The following ZNF730 variants were observed in gnomAD, a reference collection of about 807,000 sequenced individuals.
The protein encoded by ZNF730 is putative zinc finger protein 730.
A neutral mutation model predicts 12.6 loss-of-function variants in ZNF730; 12 were observed. That is an observed-to-expected ratio of 0.95 (90% CI 0.61 to 1.54). The LOEUF (loss-of-function observed/expected upper bound fraction) is 1.54, where lower values mean the gene tolerates loss of function less well. ZNF730 is among the 40% of genes most tolerant of loss of function. ZNF730 has a pLI of 0.00. For synonymous variants in ZNF730, 194 were observed against 195.8 expected (o/e 0.99, Z 0.08); for missense variants, 643 against 583.5 (o/e 1.10, Z -1.05).
intron 1 of ZNF730, among the ~76,000 whole-genome samples, chr19:23,120,233 G>A (rs1224650895): frequency 6.6e-6 from 1 of 152,022 alleles, no homozygotes; most frequent in Non-Finnish European, 1.5e-5. Flanking sequence ...AACCTCAGGT[G>A]ATCCTCCCAC....
At chr19:23,128,452 A>C in intron 1 of ZNF730, 1 of 354,326 alleles carries the variant, frequency 2.8e-6, no homozygotes. Flanking sequence ...AAAGAAGTGG[A>C]ACCATCCCAA....
upstream of ZNF730, among the ~76,000 whole-genome samples, chr19:23,116,043 A>G (rs1049382668): frequency 2.6e-5 from 4 of 152,250 alleles, no homozygotes; most frequent in Non-Finnish European, 5.9e-5. Context: ...ATATGTATGC[A>G]TGTGATTGGT....
At chr19:23,082,648 A>G (rs1969983627) in intron 1 of ZNF730, among the ~76,000 whole-genome samples, 1 of 152,106 alleles carries the variant, frequency 6.6e-6, no homozygotes, top group South Asian at 2.1e-4. Flanking sequence ...CGCCTGGCAT[A>G]ATTTTTTTTA....
intron 3 of ZNF730, among the ~76,000 whole-genome samples, chr19:23,136,996 C>T (rs556545958): frequency 6.6e-6 from 1 of 152,128 alleles, no homozygotes; most frequent in African/African-American, 2.4e-5. Context: ...TAGTGAAACC[C>T]TGTCTCTACT....
intron 1 of ZNF730, among the ~76,000 whole-genome samples, chr19:23,132,466 T>C (rs184891833): frequency 6.6e-6 from 1 of 152,120 alleles, no homozygotes; most frequent in East Asian, 1.9e-4. Context: ...AAAATTCTTA[T>C]AATAGTCAAG....
rs968142413 is a variant in ZNF730, at chr19:23,088,942, G to A, written c.-94+13555G>A. Among the ~76,000 whole-genome samples the A allele has an allele frequency of 4.6e-5, 7 of 151,606 alleles. No homozygotes were observed. The East Asian group carries it at 1.2e-3, about 25-fold the overall frequency. ...GGCTGGAGTGCAGTGGTGCGATCTC[G>A]GCTCACCACAACCTCCACCTCCCGG... On this transcript the variant is annotated intron_variant, in intron 1 of 2. Coordinates refer to the ZNF730 transcript ENST00000593635.
At chr19:23,124,828 ATAGG>A (rs1970641734) in intron 1 of ZNF730, among the ~76,000 whole-genome samples, 1 of 152,196 alleles carries the variant, frequency 6.6e-6, no homozygotes, top group East Asian at 1.9e-4. Context: ...CATTAGAAAA[ATAGG>A]TAGAGCAGTT....
At chr19:23,089,948 TA>T (rs1970128321) in intron 1 of ZNF730, among the ~76,000 whole-genome samples, 1 of 152,000 alleles carries the variant, frequency 6.6e-6, no homozygotes, top group South Asian at 2.1e-4. Context: ...ATATGAACAA[TA>T]AGATTCCAGC....
chr19:23,090,775 T>A (rs1970144788), intron 1 of ZNF730, among the ~76,000 whole-genome samples: 1 of 152,026 alleles, frequency 6.6e-6, no homozygotes, highest in Admixed American at 6.6e-5. Context: ...GGTGGGTGGA[T>A]CACCTGAAGT....
At chr19:23,085,841 T>C (rs1364703510) in intron 1 of ZNF730, among the ~76,000 whole-genome samples, 1 of 82,844 alleles carries the variant, frequency 1.2e-5, no homozygotes, top group Non-Finnish European at 2.3e-5. Flanking sequence ...TTTTTCTTTT[T>C]TTTTTTTTTT....
chr19:23,141,436 G>A (rs916291466), intron 3 of ZNF730, among the ~76,000 whole-genome samples: 1 of 151,966 alleles, frequency 6.6e-6, no homozygotes, highest in Non-Finnish European at 1.5e-5. Context: ...ACATGGTGTT[G>A]TGCACCTGTT....
At chr19:23,092,848 A>G (rs1970179513) in intron 1 of ZNF730, among the ~76,000 whole-genome samples, 1 of 151,952 alleles carries the variant, frequency 6.6e-6, no homozygotes, top group South Asian at 2.1e-4. Context: ...TTTTGTTGAA[A>G]TTTTTTGCAT....
chr19:23,142,687 CAA>C (rs55654522), intron 3 of ZNF730, among the ~76,000 whole-genome samples: 2,924 of 75,636 alleles, frequency 0.039, 35 homozygotes, highest in African/African-American at 0.1. Flanking sequence ...GACTCTGTCT[CAA>C]AAAAAAAAAA....
rs1971025821 is a variant in ZNF730 at position 23,146,995 on chromosome 19, A to G, written c.*439A>G. 2.9e-6 allele frequency: 1 copy of G among 339,910 alleles called. No homozygotes were observed. Among genetic ancestry groups the G allele is most frequent in the South Asian group, 3.5e-5 (1 of 28,696 alleles). 21.1% of individuals were successfully genotyped at this position (339,910 alleles called of 1,614,324 possible). On this transcript the variant is annotated 3_prime_UTR_variant, in exon 4 of 4. Coordinates refer to ENST00000597761, the MANE Select transcript of ZNF730 (RefSeq NM_001277403.2). ...ATATGAAGAATGTGACAAAGCCATTAAATTGTTGTCACATTTAATTGTAGG... is the reference window on the plus strand; with the variant it reads ...ATATGAAGAATGTGACAAAGCCATTGAATTGTTGTCACATTTAATTGTAGG...
chr19:23,085,527 T>TTA (rs1491162855), intron 1 of ZNF730, among the ~76,000 whole-genome samples: 21 of 84,302 alleles, frequency 2.5e-4, no homozygotes, highest in African/African-American at 8.9e-4. Flanking sequence ...TTTTTTTTTT[T>TTA]AAATATAGAC....
chr19:23,118,345 T>C (rs1339658258), intron 1 of ZNF730, among the ~76,000 whole-genome samples: 2 of 151,380 alleles, frequency 1.3e-5, no homozygotes, highest in African/African-American at 4.9e-5. Context: ...TGAAAGTGTT[T>C]TGGGGTCAAG....
In ZNF730 at chr19:23,087,224, A is replaced by G. The variant is rs1970078253; in HGVS notation, c.-94+11837A>G. 1.3e-5 allele frequency among the ~76,000 whole-genome samples: 2 copies of G among 152,154 alleles called. 1 individual carries two copies. The highest frequency in any genetic ancestry group is 4.1e-4 in the South Asian group (2 of 4,830). On this transcript the variant is annotated intron_variant, in intron 1 of 2. Transcript: ENST00000593635. Reference sequence around the variant, plus strand: ...GGTGTTCGAGACCAGCCTGGCCAACATGGTGAAATCTTGTCTCTACTAAAA... The same window carrying G: ...GGTGTTCGAGACCAGCCTGGCCAACGTGGTGAAATCTTGTCTCTACTAAAA...
At chr19:23,087,676 C>T (rs1269970886) in intron 1 of ZNF730, among the ~76,000 whole-genome samples, 1 of 148,134 alleles carries the variant, frequency 6.8e-6, no homozygotes, top group Non-Finnish European at 1.5e-5. Context: ...AGTGCAATGG[C>T]ATGATCTTGG....
chr19:23,144,798 G>T (rs1970979864), intron 3 of ZNF730, among the ~76,000 whole-genome samples: 1 of 150,584 alleles, frequency 6.6e-6, no homozygotes, highest in Non-Finnish European at 1.5e-5. Flanking sequence ...TTTTGTCTCA[G>T]CAGGCTCAAA....
Sources: gnomAD v4.1 joint callset for allele counts (sites outside exome capture counted in the v4.1 genomes callset) on GRCh38, gnomAD v4.1.1 for gene constraint, MANE v1.5 for transcripts, NCBI Gene and HGNC (gene_info 2026-07-23, HGNC 2026-07-21) for gene names.